CCDC141: variants seen among roughly 807,000 people sequenced by gnomAD.
The protein encoded by CCDC141 is coiled-coil domain-containing protein 141.
In CCDC141, 168 loss-of-function variants were observed where a neutral mutation model predicts 181.0. The observed-to-expected ratio is 0.93, with a 90% CI of 0.82 to 1.05. The LOEUF (loss-of-function observed/expected upper bound fraction) is 1.05. Ranked by LOEUF, CCDC141 falls within the 50% of genes least tolerant of loss-of-function variation. The probability of loss-of-function intolerance (pLI) is 0.00; values close to 1 mark genes in which losing one functional copy is unlikely to be tolerated. For missense variants in CCDC141, 1,902 were observed against 1,788.5 expected (o/e 1.06, Z -1.14); for synonymous variants, 666 against 642.3 (o/e 1.04, Z -0.56).
In CCDC141 at chr2:178,939,363, G is replaced by T. The variant is rs563709879; in HGVS notation, c.897+5172C>A. Among the ~76,000 whole-genome samples the T allele has an allele frequency of 1.3e-4, 20 of 152,248 alleles. No individual in the cohort carries two copies. The East Asian group carries it at 1.5e-3, about 12-fold the overall frequency. The stretch of plus-strand genomic sequence containing the variant: ...CAGAACTTTTCTGTGGGAGACAAAA[G>T]GTGGTTGAGTCTCAGGGCACATGGC... On this transcript the variant is annotated intron_variant, in intron 6 of 23. Coordinates refer to ENST00000443758, the MANE Select transcript of CCDC141 (RefSeq NM_173648.4).
chr2:178,865,737 T>C (rs772540755), intron 17 of CCDC141, 30 bp downstream of exon 17: 6 of 1,433,184 alleles, frequency 4.2e-6, no homozygotes, highest in Admixed American at 2.5e-5. Context: ...TTTTTGGCAA[T>C]GTGCCAGTTC....
intron 2 of CCDC141, chr2:179,002,476 A>G (rs779737303): frequency 1.8e-4 from 75 of 413,166 alleles, no homozygotes; most frequent in Non-Finnish European, 5.4e-5. Context: ...AGCAGAATCC[A>G]CAAACTTTTC....
chr2:178,815,494 T>C, the CCDC141 span, among the ~76,000 whole-genome samples: 41,899 of 152,112 alleles, frequency 0.28, 8,475 homozygotes, highest in East Asian at 0.78. Context: ...ACACTTATCA[T>C]CTGTAATGTG....
At chr2:178,982,690 A>G (rs1691481011) in intron 2 of CCDC141, among the ~76,000 whole-genome samples, 1 of 152,134 alleles carries the variant, frequency 6.6e-6, no homozygotes, top group Admixed American at 6.5e-5. Flanking sequence ...TTCCTAATCA[A>G]AGAAAGGGGT....
chr2:178,982,656 G>A (rs1325056440), intron 2 of CCDC141, among the ~76,000 whole-genome samples: 1 of 152,054 alleles, frequency 6.6e-6, no homozygotes, highest in Admixed American at 6.5e-5. Context: ...CCCTCGGGAA[G>A]CACAAGGGGT....
chr2:178,846,906 C>A (rs1253171167), intron 21 of CCDC141, among the ~76,000 whole-genome samples: 1 of 152,050 alleles, frequency 6.6e-6, no homozygotes, highest in Non-Finnish European at 1.5e-5. Context: ...CTATTTAAGC[C>A]CTGACAGGAA....
intron 2 of CCDC141, among the ~76,000 whole-genome samples, chr2:179,001,476 C>G (rs953632429): frequency 2.0e-5 from 3 of 152,014 alleles, no homozygotes; most frequent in African/African-American, 7.3e-5. Context: ...CCTTTCCAGG[C>G]TTATGGTTGC....
rs955784674 is a variant in CCDC141, at chr2:178,888,439, C to T, written c.1407+88G>A. The stretch of plus-strand genomic sequence containing the variant: ...TAAGGGCAGCCTAAGGAGACATGCC[C>T]CTGTCCTCCCGCCATGCCCACATAC... On this transcript the variant is annotated intron_variant, in intron 9 of 23. Coordinates refer to ENST00000443758, the MANE Select transcript of CCDC141 (RefSeq NM_173648.4). The T allele has an allele frequency of 3.2e-6, 4 of 1,231,004 alleles. No individual in the cohort carries two copies. The African/African-American group carries it at 4.5e-5, about 14-fold the overall frequency. 76.3% of individuals were successfully genotyped at this position (1,231,004 alleles called of 1,614,324 possible).
At chr2:178,965,890 A>G (rs748241302) in intron 4 of CCDC141, among the ~76,000 whole-genome samples, 4 of 152,122 alleles carry the variant, frequency 2.6e-5, no homozygotes, top group Non-Finnish European at 5.9e-5. Flanking sequence ...CACTGTCAGC[A>G]CAGCAGCAGT....
chr2:178,971,157 G>C (rs1414361629), intron 4 of CCDC141, among the ~76,000 whole-genome samples: 3 of 152,130 alleles, frequency 2.0e-5, no homozygotes, highest in Non-Finnish European at 2.9e-5. Context: ...GCAGTGATCT[G>C]AGATTGCACC....
chr2:178,878,463 C>A (rs1353312870), intron 11 of CCDC141, among the ~76,000 whole-genome samples: 2 of 147,312 alleles, frequency 1.4e-5, no homozygotes, highest in Non-Finnish European at 3.0e-5. Context: ...AGGCACCCGG[C>A]ACCAGGCCTG....
At chr2:178,894,065 A>T (rs1687293315) in intron 8 of CCDC141, among the ~76,000 whole-genome samples, 1 of 152,126 alleles carries the variant, frequency 6.6e-6, no homozygotes. Flanking sequence ...TGCCCTCATT[A>T]GGGGAGGCTG....
chr2:178,888,707 A>C lies in CCDC141; in HGVS notation c.1266-39T>G, dbSNP rs930479497. The C allele has an allele frequency of 1.1e-5, 17 of 1,547,474 alleles. No homozygotes were observed. In the African/African-American group the frequency reaches 1.5e-4, roughly 14 times the overall value. On this transcript the variant is annotated intron_variant, in intron 8 of 23. Coordinates refer to ENST00000443758, the MANE Select transcript of CCDC141 (RefSeq NM_173648.4). ...GCCAGCTGTTAATTCACTCCACCCC[A>C]ATATAGAACACAGAATATTTGAAAA... is the stretch of plus-strand genomic sequence containing the variant.
At chr2:178,880,037 T>C (rs973149718) in intron 11 of CCDC141, among the ~76,000 whole-genome samples, 1 of 152,220 alleles carries the variant, frequency 6.6e-6, no homozygotes, top group African/African-American at 2.4e-5. Flanking sequence ...AAACTACCGA[T>C]AGATGAGTCG....
At chr2:179,048,779 C>T (rs1450960960) in intron 1 of CCDC141, among the ~76,000 whole-genome samples, 1 of 152,176 alleles carries the variant, frequency 6.6e-6, no homozygotes, top group Non-Finnish European at 1.5e-5. Flanking sequence ...CCAGAAAATC[C>T]ACCTCGGCAG....
the CCDC141 span, among the ~76,000 whole-genome samples, chr2:178,822,216 T>C: frequency 6.6e-6 from 1 of 151,050 alleles, no homozygotes; most frequent in East Asian, 2.0e-4. Context: ...ATGAGAACAC[T>C]TGGACACAGG....
chr2:178,869,351 TTTTAC>T, intron 14 of CCDC141, 46 bp from the exon 15 acceptor site: 2 of 1,414,354 alleles, frequency 1.4e-6, no homozygotes, highest in Non-Finnish European at 1.9e-6. Flanking sequence ...TAAAGAACTT[TTTTAC>T]TTTACAACTG....
intron 5 of CCDC141, among the ~76,000 whole-genome samples, chr2:178,948,647 G>A (rs1216829140): frequency 6.6e-6 from 1 of 152,130 alleles, no homozygotes. Context: ...CACAGGAGCG[G>A]ACCCCTCATG....
intron 2 of CCDC141, among the ~76,000 whole-genome samples, chr2:179,017,911 A>T (rs949057475): frequency 3.3e-5 from 5 of 152,112 alleles, no homozygotes; most frequent in Non-Finnish European, 7.4e-5. Flanking sequence ...GCCCAGCTTG[A>T]TTTAAGTTTT....
Sources: allele counts gnomAD v4.1 joint callset (sites outside exome capture counted in the v4.1 genomes callset), GRCh38; gene constraint gnomAD v4.1.1; transcripts MANE v1.5; gene names NCBI Gene and HGNC (gene_info 2026-07-23, HGNC 2026-07-21).